CACNB2: variants seen among roughly 807,000 people sequenced by gnomAD.
The protein encoded by CACNB2 is calcium voltage-gated channel auxiliary subunit beta 2.
In CACNB2, 42 loss-of-function variants were observed where a neutral mutation model predicts 73.3. That is an observed-to-expected ratio of 0.57 (90% CI 0.45 to 0.74). The LOEUF (loss-of-function observed/expected upper bound fraction) is 0.74, where lower values mean the gene tolerates loss of function less well. Among genes scored for constraint, CACNB2 ranks in the 30% least tolerant of loss-of-function variants. The probability of loss-of-function intolerance (pLI) is 0.00; values close to 1 mark genes in which losing one functional copy is unlikely to be tolerated. For synonymous variants in CACNB2, 348 were observed against 310.3 expected (o/e 1.12, Z -1.28); for missense variants, 940 against 853.0 (o/e 1.10, Z -1.27).
intron 3 of CACNB2, among the ~76,000 whole-genome samples, chr10:18,433,484 A>C (rs1259985450): frequency 2.0e-5 from 3 of 152,170 alleles, no homozygotes; most frequent in Admixed American, 1.3e-4. Context: ...CTTAGGAAAA[A>C]TAGCTGATGT....
intron 2 of CACNB2, among the ~76,000 whole-genome samples, chr10:18,389,308 T>A (rs757116352): frequency 6.6e-6 from 1 of 152,106 alleles, no homozygotes; most frequent in Non-Finnish European, 1.5e-5. Flanking sequence ...GGCTCATTTT[T>A]AAAATGTTTT....
chr10:18,436,751 T>A (rs901595797), intron 3 of CACNB2, among the ~76,000 whole-genome samples: 2 of 152,212 alleles, frequency 1.3e-5, no homozygotes, highest in African/African-American at 4.8e-5. Context: ...CAAAAATAAA[T>A]CATGTTTATT....
chr10:18,262,245 G>A (rs2037583481), intron 2 of CACNB2, among the ~76,000 whole-genome samples: 1 of 144,252 alleles, frequency 6.9e-6, no homozygotes. Flanking sequence ...AGAGATATAT[G>A]TGAGACTTAC....
chr10:18,391,907 G>A (rs918443294), intron 2 of CACNB2, among the ~76,000 whole-genome samples: 1 of 112,476 alleles, frequency 8.9e-6, no homozygotes, highest in African/African-American at 3.5e-5. Context: ...CAGCCTGAGT[G>A]ACAGAGTAAG....
At chr10:18,434,184 A>G (rs561565465) in intron 3 of CACNB2, among the ~76,000 whole-genome samples, 6 of 152,178 alleles carry the variant, frequency 3.9e-5, no homozygotes, top group Admixed American at 1.3e-4. Context: ...GGTTTCTCAT[A>G]TGGTATGATT....
At chr10:18,413,627 A>G (rs2044762409) in intron 3 of CACNB2, among the ~76,000 whole-genome samples, 1 of 152,224 alleles carries the variant, frequency 6.6e-6, no homozygotes, top group African/African-American at 2.4e-5. Flanking sequence ...GGGAATTATC[A>G]GAAGGGAAAT....
At chr10:18,422,702 A>T (rs373046021) in intron 3 of CACNB2, among the ~76,000 whole-genome samples, 7 of 140,116 alleles carry the variant, frequency 5.0e-5, no homozygotes, top group Admixed American at 3.6e-4. Context: ...TTCAAAAAAA[A>T]TTTTTTTTAA....
chr10:18,314,352 T>A (rs2040073846), intron 2 of CACNB2, among the ~76,000 whole-genome samples: 1 of 152,188 alleles, frequency 6.6e-6, no homozygotes. Flanking sequence ...TCATTTTGGA[T>A]AAGGAGATTA....
intron 2 of CACNB2, among the ~76,000 whole-genome samples, chr10:18,217,335 T>C (rs2035552615): frequency 6.6e-6 from 1 of 151,892 alleles, no homozygotes; most frequent in Admixed American, 6.6e-5. Context: ...AATACAAAAA[T>C]TAACCAGGCA....
At chr10:18,271,882 G>C (rs2038068589) in intron 2 of CACNB2, among the ~76,000 whole-genome samples, 1 of 151,830 alleles carries the variant, frequency 6.6e-6, no homozygotes, top group Non-Finnish European at 1.5e-5. Flanking sequence ...GTGATGAGCA[G>C]GTCACCATTC....
intron 3 of CACNB2, among the ~76,000 whole-genome samples, chr10:18,448,498 A>AG (rs1045098537): frequency 2.7e-5 from 4 of 146,556 alleles, no homozygotes; most frequent in African/African-American, 7.9e-5. Context: ...AAAAAAAAAA[A>AG]AAAGAAAAGA....
At chr10:18,356,947 T>TTC (rs2041940351) in intron 2 of CACNB2, among the ~76,000 whole-genome samples, 3 of 90,200 alleles carry the variant, frequency 3.3e-5, no homozygotes, top group South Asian at 3.8e-4. Context: ...AATTTCTTTT[T>TTC]TTTTTTTTTT....
At chr10:18,526,282 G>A (rs2052464022) in intron 9 of CACNB2, among the ~76,000 whole-genome samples, 1 of 152,174 alleles carries the variant, frequency 6.6e-6, no homozygotes, top group African/African-American at 2.4e-5. Context: ...ACTGTACAAT[G>A]AGAAGAAAGG....
chr10:18,526,728 T>G (rs2052502183), intron 9 of CACNB2, among the ~76,000 whole-genome samples: 1 of 152,230 alleles, frequency 6.6e-6, no homozygotes, highest in Non-Finnish European at 1.5e-5. Flanking sequence ...TGTATGTTCT[T>G]TCCACAACAA....
chr10:18,232,414 G>A (rs745648734), intron 2 of CACNB2, among the ~76,000 whole-genome samples: 20 of 152,178 alleles, frequency 1.3e-4, no homozygotes, highest in Non-Finnish European at 2.6e-4. Context: ...AGGTTTAACC[G>A]TGAACCAGAG....
chr10:18,251,296 A>C (rs1564377187), intron 2 of CACNB2, among the ~76,000 whole-genome samples: 4 of 151,402 alleles, frequency 2.6e-5, no homozygotes, highest in Admixed American at 2.0e-4. Flanking sequence ...CCAGGCTGGA[A>C]TGTGATGGCA....
At chr10:18,207,511 G>T (rs140099716) in intron 2 of CACNB2, among the ~76,000 whole-genome samples, 2 of 152,192 alleles carry the variant, frequency 1.3e-5, no homozygotes, top group Non-Finnish European at 2.9e-5. Flanking sequence ...ATAAGGTGGG[G>T]TGGGGGAGAA....
In CACNB2 at chr10:18,498,487, A is replaced by G. The variant is rs910244872; in HGVS notation, c.456+10A>G. On this transcript the variant is annotated intron_variant, in intron 4 of 13. Coordinates refer to ENST00000324631, the MANE Select transcript of CACNB2 (RefSeq NM_201596.3). ...TCTGCATGTTAAGGAAGTAAGGAGA[A>G]TAATTTCATTTTCTAACAGCATGAT... 7.4e-6 allele frequency: 12 copies of G among 1,613,812 alleles called. No individual in the cohort carries two copies. Among genetic ancestry groups the G allele is most frequent in the Non-Finnish European group, 1.0e-5 (12 of 1,179,716 alleles).
rs1008513174 is a variant in CACNB2, at chr10:18,541,009, A to T, written c.*1285A>T. On this transcript the variant is annotated 3_prime_UTR_variant, in exon 14 of 14. Transcript: ENST00000324631. ...ATTTTACTGTGAGTGTTTCACTGGA[A>T]ATGTACAATCTTTGTGTGTTAGAGT... The T allele has an allele frequency of 6.6e-6, 1 of 151,946 alleles. No homozygotes were observed. The highest frequency in any genetic ancestry group is 2.4e-5 in the African/African-American group (1 of 41,192). The allele number at this position is 151,946 out of a possible 1,614,324, so 9.4% of individuals were successfully genotyped here.
Sources: gnomAD v4.1 joint callset for allele counts (sites outside exome capture counted in the v4.1 genomes callset) on GRCh38, gnomAD v4.1.1 for gene constraint, MANE v1.5 for transcripts, NCBI Gene and HGNC (gene_info 2026-07-23, HGNC 2026-07-21) for gene names.